ST6GALNAC3: variants seen among roughly 807,000 people sequenced by gnomAD.
The protein encoded by ST6GALNAC3 is ST6 N-acetylgalactosaminide alpha-2,6-sialyltransferase 3.
ST6GALNAC3 carries 25 observed loss-of-function variants against 32.7 expected under a neutral mutation model. The observed-to-expected ratio is 0.76, with a 90% confidence interval of 0.56 to 1.07. The LOEUF (loss-of-function observed/expected upper bound fraction) is 1.07. ST6GALNAC3 is among the 50% of genes least tolerant of loss of function. ST6GALNAC3 has a pLI of 0.00. For missense variants in ST6GALNAC3, 355 were observed against 382.4 expected, an observed-to-expected ratio of 0.93 and a Z score of 0.60; for synonymous variants, 129 against 133.1, an observed-to-expected ratio of 0.97 and a Z score of 0.21.
chr1:76,492,024 A>G (rs1660533264), intron 3 of ST6GALNAC3, among the ~76,000 whole-genome samples: 1 of 152,204 alleles, frequency 6.6e-6, no homozygotes, highest in South Asian at 2.1e-4. Context: ...TTAGATATAC[A>G]CAACTGTCCT....
At chr1:76,541,571 G>A (rs1028212596) in intron 3 of ST6GALNAC3, among the ~76,000 whole-genome samples, 2 of 152,152 alleles carry the variant, frequency 1.3e-5, no homozygotes, top group Admixed American at 1.3e-4. Context: ...ACCTTTCCAG[G>A]AGCATCTGCT....
chr1:76,212,349 A>G (rs1357039361), intron 1 of ST6GALNAC3, among the ~76,000 whole-genome samples: 1 of 152,258 alleles, frequency 6.6e-6, no homozygotes, highest in East Asian at 1.9e-4. Context: ...TTTCTGGACC[A>G]TGTTTGTCCC....
chr1:76,478,600 G>A (rs1196629896), intron 3 of ST6GALNAC3, among the ~76,000 whole-genome samples: 2 of 151,934 alleles, frequency 1.3e-5, no homozygotes, highest in Non-Finnish European at 2.9e-5. Flanking sequence ...CAGAAAATTT[G>A]TTTTTATTAC....
chr1:76,594,465 G>T (rs567225393), intron 3 of ST6GALNAC3, among the ~76,000 whole-genome samples: 3 of 152,142 alleles, frequency 2.0e-5, no homozygotes, highest in African/African-American at 7.2e-5. Flanking sequence ...ATACCCTCTT[G>T]TTCCTCTGTT....
At position 76,632,144 on chromosome 1, in the gene ST6GALNAC3, A is replaced by C. The variant is rs988220406; in HGVS notation, c.*3338A>C. The C allele has an allele frequency of 1.3e-5, 2 of 152,120 alleles. No individual in the cohort carries two copies. The highest frequency in any genetic ancestry group is 1.3e-4 in the Admixed American group (2 of 15,268). 9.4% of individuals were successfully genotyped at this position (152,120 alleles called of 1,614,324 possible). On this transcript the variant is annotated 3_prime_UTR_variant, in exon 5 of 5. Coordinates refer to ENST00000328299, the MANE Select transcript of ST6GALNAC3 (RefSeq NM_152996.4). ...CCTATATTCTTCACTGGTGCATGTG[A>C]ATCACAGAAAGCCCTATTTTAGACT...
chr1:76,299,152 A>G (rs1557765217), intron 1 of ST6GALNAC3, among the ~76,000 whole-genome samples: 2 of 152,004 alleles, frequency 1.3e-5, no homozygotes, highest in Admixed American at 6.6e-5. Context: ...AGTGAATGTA[A>G]ATTATGTGTT....
At chr1:76,141,162 A>G (rs1650296596) in intron 1 of ST6GALNAC3, among the ~76,000 whole-genome samples, 1 of 152,128 alleles carries the variant, frequency 6.6e-6, no homozygotes, top group African/African-American at 2.4e-5. Context: ...TGACAGTCCC[A>G]ATGGATATTT....
At chr1:76,084,028 C>T (rs559228623) in intron 1 of ST6GALNAC3, among the ~76,000 whole-genome samples, 1 of 152,230 alleles carries the variant, frequency 6.6e-6, no homozygotes, top group African/African-American at 2.4e-5. Flanking sequence ...GTTGGTTATG[C>T]CAGCCATGTT....
intron 3 of ST6GALNAC3, among the ~76,000 whole-genome samples, chr1:76,623,342 C>T (rs1648762044): frequency 6.6e-6 from 1 of 152,024 alleles, no homozygotes; most frequent in Non-Finnish European, 1.5e-5. Flanking sequence ...ATGGCTTCCT[C>T]TTCACACGCC....
At chr1:76,168,862 G>A (rs1466595347) in intron 1 of ST6GALNAC3, among the ~76,000 whole-genome samples, 1 of 151,954 alleles carries the variant, frequency 6.6e-6, no homozygotes, top group African/African-American at 2.4e-5. Context: ...ATAAGAGATG[G>A]TCTCTTGAGG....
chr1:76,109,593 C>T (rs1647779857), intron 1 of ST6GALNAC3, among the ~76,000 whole-genome samples: 3 of 152,214 alleles, frequency 2.0e-5, no homozygotes, highest in Admixed American at 2.0e-4. Flanking sequence ...CTCAATAAAG[C>T]ATGTGAAGAC....
intron 3 of ST6GALNAC3, among the ~76,000 whole-genome samples, chr1:76,466,410 G>A (rs1431762129): frequency 6.6e-6 from 1 of 151,996 alleles, no homozygotes; most frequent in African/African-American, 2.4e-5. Context: ...TCCTGAGAGA[G>A]CAATCCATGG....
chr1:76,479,666 A>G (rs1184554376), intron 3 of ST6GALNAC3, among the ~76,000 whole-genome samples: 4 of 152,138 alleles, frequency 2.6e-5, no homozygotes, highest in Non-Finnish European at 5.9e-5. Context: ...GTATTAATCC[A>G]TTCCTGAAAA....
chr1:76,194,832 A>C (rs79073828), intron 1 of ST6GALNAC3, among the ~76,000 whole-genome samples: 1,695 of 152,324 alleles, frequency 0.011, 30 homozygotes, highest in East Asian at 0.046. Flanking sequence ...GCGATGTGAA[A>C]TCTGAAACGG....
At chr1:76,111,380 TGTC>T (rs1183760861) in intron 1 of ST6GALNAC3, among the ~76,000 whole-genome samples, 1 of 152,162 alleles carries the variant, frequency 6.6e-6, no homozygotes, top group Non-Finnish European at 1.5e-5. Context: ...CTCTAGCCAA[TGTC>T]GTCTAGATCT....
chr1:76,113,991 ATTTTTT>A (rs754290749), intron 1 of ST6GALNAC3, among the ~76,000 whole-genome samples: 3 of 125,172 alleles, frequency 2.4e-5, no homozygotes, highest in Non-Finnish European at 3.3e-5. Context: ...CGCCCGGCTA[ATTTTTT>A]TTTTTTTTTT....
At chr1:76,390,570 A>C (rs1303309595) in intron 2 of ST6GALNAC3, among the ~76,000 whole-genome samples, 1 of 152,126 alleles carries the variant, frequency 6.6e-6, no homozygotes, top group East Asian at 1.9e-4. Flanking sequence ...GTTTGCTCCC[A>C]AGGGCTTTTG....
At chr1:76,121,395 G>C (rs1648861882) in intron 1 of ST6GALNAC3, among the ~76,000 whole-genome samples, 1 of 152,028 alleles carries the variant, frequency 6.6e-6, no homozygotes, top group South Asian at 2.1e-4. Flanking sequence ...CCTCCCCACT[G>C]TCTGTTCTCT....
chr1:76,363,453 A>G (rs1255577172), intron 2 of ST6GALNAC3, among the ~76,000 whole-genome samples: 1 of 152,198 alleles, frequency 6.6e-6, no homozygotes, highest in East Asian at 1.9e-4. Flanking sequence ...TGTTGAAACC[A>G]TTCAACAAGT....
Sources: gnomAD v4.1 joint callset for allele counts (sites outside exome capture counted in the v4.1 genomes callset) on GRCh38, gnomAD v4.1.1 for gene constraint, MANE v1.5 for transcripts, NCBI Gene and HGNC (gene_info 2026-07-23, HGNC 2026-07-21) for gene names.